Variants in ST7 observed in about 807,000 individuals in gnomAD.
ST7 encodes suppressor of tumorigenicity 7 protein.
Under a neutral mutation model 78.7 loss-of-function variants are expected in ST7, and 28 were observed. That is an observed-to-expected ratio of 0.36 (90% CI 0.26 to 0.49). The LOEUF (loss-of-function observed/expected upper bound fraction) is 0.49, where lower values mean the gene tolerates loss of function less well. Among genes scored for constraint, ST7 ranks in the 20% least tolerant of loss-of-function variants. ST7 has a pLI of 0.99. For missense variants in ST7, 418 were observed against 696.0 expected, an observed-to-expected ratio of 0.60 and a Z score of 4.49; for synonymous variants, 247 against 249.6, an observed-to-expected ratio of 0.99 and a Z score of 0.10.
chr7:117,000,063 A>C (rs1246387990), intron 1 of ST7, among the ~76,000 whole-genome samples: 1 of 152,120 alleles, frequency 6.6e-6, no homozygotes, highest in Admixed American at 6.5e-5. Context: ...CACCCACCTC[A>C]GCCTCCCAAA....
At chr7:117,174,054 C>G (rs1476022669) in intron 10 of ST7, among the ~76,000 whole-genome samples, 2 of 152,302 alleles carry the variant, frequency 1.3e-5, no homozygotes, top group East Asian at 3.9e-4. Context: ...TCATATACTC[C>G]TGTGTCCCCA....
At chr7:117,085,483 C>T (rs764424003) in intron 1 of ST7, among the ~76,000 whole-genome samples, 4 of 152,168 alleles carry the variant, frequency 2.6e-5, no homozygotes, top group Non-Finnish European at 5.9e-5. Flanking sequence ...TGTTACCAAA[C>T]AATATTTATG....
intron 10 of ST7, among the ~76,000 whole-genome samples, chr7:117,171,887 G>A (rs1159469396): frequency 1.3e-5 from 2 of 150,490 alleles, no homozygotes; most frequent in Admixed American, 6.6e-5. Flanking sequence ...TGCATTTAAA[G>A]TGCATTTAAA....
intron 1 of ST7, among the ~76,000 whole-genome samples, chr7:117,064,053 C>T (rs1431893042): frequency 2.0e-5 from 3 of 151,972 alleles, no homozygotes; most frequent in African/African-American, 4.8e-5. Context: ...CACAATATAG[C>T]ATTTATTTAA....
chr7:117,079,901 G>T (rs1224605393), intron 1 of ST7, among the ~76,000 whole-genome samples: 1 of 144,892 alleles, frequency 6.9e-6, no homozygotes, highest in Non-Finnish European at 1.5e-5. Flanking sequence ...CAAGTCTGTA[G>T]TGAAGAAAAA....
chr7:117,104,147 G>C lies in ST7; in HGVS notation c.234+4303G>C, dbSNP rs570960658. Among the ~76,000 whole-genome samples, 9 of 152,106 alleles carry C rather than the reference G, an allele frequency of 5.9e-5. No homozygotes were observed. The East Asian group carries it at 1.6e-3, about 26-fold the overall frequency. Reference sequence around the variant, plus strand: ...CACCGTGCCTGGCTAATTTTTGTAAGAAGAAAGGGTGTGGTAGGTGCAGTG... The same window carrying C: ...CACCGTGCCTGGCTAATTTTTGTAACAAGAAAGGGTGTGGTAGGTGCAGTG... On this transcript the variant is annotated intron_variant, in intron 2 of 15. Transcript: ENST00000323984.
chr7:117,148,948 C>T (rs1358453067), intron 9 of ST7, among the ~76,000 whole-genome samples: 1 of 152,110 alleles, frequency 6.6e-6, no homozygotes, highest in East Asian at 1.9e-4. Flanking sequence ...TTATTTCAGA[C>T]CTGGGCCACC....
rs539662314 is a variant in ST7 at position 117,191,158 on chromosome 7, G to A, written c.1254+222G>A. 5.3e-5 allele frequency among the ~76,000 whole-genome samples: 8 copies of A among 152,266 alleles called. No individual in the cohort carries two copies. The South Asian group carries it at 1.0e-3, about 20-fold the overall frequency. On this transcript the variant is annotated intron_variant, in intron 12 of 15. Transcript: ENST00000323984. ...AGACTTCACTTAATAAGGGTAAATC[G>A]ATAGACCTCGCTTAGGCAGGCCAGG...
chr7:116,982,740 C>G (rs188343797), intron 1 of ST7, among the ~76,000 whole-genome samples: 4 of 152,154 alleles, frequency 2.6e-5, no homozygotes, highest in Admixed American at 2.6e-4. Context: ...CTGAGGATCC[C>G]TTTTTCATTT....
intron 1 of ST7, among the ~76,000 whole-genome samples, chr7:117,073,595 T>A (rs567804628): frequency 6.6e-6 from 1 of 152,354 alleles, no homozygotes; most frequent in East Asian, 1.9e-4. Flanking sequence ...GGATCCCAAC[T>A]ACCCGGGTTT....
At chr7:117,034,649 T>C (rs1045194356) in intron 1 of ST7, among the ~76,000 whole-genome samples, 1 of 152,264 alleles carries the variant, frequency 6.6e-6, no homozygotes, top group Non-Finnish European at 1.5e-5. Context: ...CATTGGTTTA[T>C]CTAATTTATA....
rs567991907 is a variant in ST7 at position 117,099,823 on chromosome 7, A to T, written c.213A>T (p.Ser71=). The T allele has an allele frequency of 6.2e-7, 1 of 1,613,550 alleles. No homozygotes were observed. The highest frequency in any genetic ancestry group is 8.5e-7 in the Non-Finnish European group (1 of 1,179,760). The change falls in exon 2 of 16, where the codon TCA becomes TCT. Residue 71 remains serine, a synonymous_variant. Transcript: ENST00000323984. ...KFYVALTGTS[S]LISGLILIFE... is the part of the protein sequence containing the mutation. Reference sequence around the variant, plus strand: ...ACGTGGCCCTAACAGGCACTTCCTCACTAATATCAGGGCTTATTTTGGTAA... The same window carrying T: ...ACGTGGCCCTAACAGGCACTTCCTCTCTAATATCAGGGCTTATTTTGGTAA...
intron 2 of ST7, among the ~76,000 whole-genome samples, chr7:117,113,468 A>T (rs1802597772): frequency 6.6e-6 from 1 of 152,220 alleles, no homozygotes; most frequent in African/African-American, 2.4e-5. Flanking sequence ...GAAGACTGCA[A>T]CCTTCTTTGG....
intron 1 of ST7, among the ~76,000 whole-genome samples, chr7:116,965,234 A>G (rs1490823759): frequency 2.0e-5 from 3 of 151,460 alleles, no homozygotes; most frequent in Non-Finnish European, 4.4e-5. Flanking sequence ...CAGCTACTCC[A>G]GAGGCTGAGG....
At chr7:117,119,227 A>G (rs1450130558) in intron 2 of ST7, among the ~76,000 whole-genome samples, 1 of 152,194 alleles carries the variant, frequency 6.6e-6, no homozygotes, top group African/African-American at 2.4e-5. Context: ...TTATTTATAT[A>G]CATTTCTGGA....
chr7:117,189,275 T>G (rs1809559164), intron 10 of ST7, 46 bp from the exon 11 acceptor site: 1 of 1,435,368 alleles, frequency 7.0e-7, no homozygotes, highest in Non-Finnish European at 9.7e-7. Context: ...GATTGCTCTT[T>G]GTTACCTGCA....
chr7:117,017,411 G>A (rs912930481), intron 1 of ST7, among the ~76,000 whole-genome samples: 4 of 152,100 alleles, frequency 2.6e-5, no homozygotes, highest in African/African-American at 9.7e-5. Context: ...TAAGATTTTC[G>A]CTATAATTGT....
At chr7:117,187,311 A>G (rs1809354262) in intron 10 of ST7, among the ~76,000 whole-genome samples, 1 of 152,206 alleles carries the variant, frequency 6.6e-6, no homozygotes, top group Non-Finnish European at 1.5e-5. Flanking sequence ...ATTTTCATAG[A>G]GCTACATTTC....
At chr7:117,217,297 A>C (rs1297728803) in intron 13 of ST7, among the ~76,000 whole-genome samples, 2 of 151,938 alleles carry the variant, frequency 1.3e-5, no homozygotes, top group Non-Finnish European at 2.9e-5. Flanking sequence ...GGAAAAAAAA[A>C]AACAAAAAAA....
Sources: gnomAD v4.1 joint callset for allele counts (sites outside exome capture counted in the v4.1 genomes callset) on GRCh38, gnomAD v4.1.1 for gene constraint, MANE v1.5 for transcripts, NCBI Gene and HGNC (gene_info 2026-07-23, HGNC 2026-07-21) for gene names.